DUS2: variants seen among roughly 807,000 people sequenced by gnomAD.
DUS2 encodes the protein tRNA-dihydrouridine(20) synthase [NAD(P)+]-like.
DUS2 carries 52 observed loss-of-function variants against 71.3 expected under a neutral mutation model. The observed-to-expected ratio is 0.73, with a 90% CI of 0.58 to 0.92. DUS2 has a LOEUF of 0.92. Ranked by LOEUF, DUS2 falls within the 40% of genes least tolerant of loss-of-function variation. The probability of loss-of-function intolerance (pLI) is 0.00; values close to 1 mark genes in which losing one functional copy is unlikely to be tolerated. For synonymous variants in DUS2, 204 were observed against 227.8 expected, an observed-to-expected ratio of 0.90 and a Z score of 0.94; for missense variants, 558 against 622.6, an observed-to-expected ratio of 0.90 and a Z score of 1.10.
chr16:68,038,158 C>T lies in DUS2; in HGVS notation c.126+9C>T, dbSNP rs753060459. 5.6e-6 allele frequency: 9 copies of T among 1,612,736 alleles called. No homozygotes were observed. The highest frequency in any genetic ancestry group is 7.6e-6 in the Non-Finnish European group (9 of 1,179,440). ...ACATTGTTTACTGTGAGGTAAGGGG[C>T]TCTGATTTTCTGGGTGGGCTTCTCC... On this transcript the variant is annotated intron_variant, in intron 3 of 16. Transcript: ENST00000565263.
At chr16:68,035,898 A>G (rs1385579637) in intron 2 of DUS2, among the ~76,000 whole-genome samples, 13 of 41,502 alleles carry the variant, frequency 3.1e-4, no homozygotes, top group Admixed American at 1.0e-3. Context: ...ATATATATAT[A>G]TATATATATA....
chr16:68,036,819 A>G (rs1055989284), intron 2 of DUS2, among the ~76,000 whole-genome samples: 3 of 151,740 alleles, frequency 2.0e-5, no homozygotes, highest in Admixed American at 6.6e-5. Flanking sequence ...GGACCTTTGC[A>G]TTGGTTATTT....
intron 2 of DUS2, among the ~76,000 whole-genome samples, chr16:68,027,388 G>A (rs139622128): frequency 0.025 from 3,838 of 152,126 alleles, 158 homozygotes; most frequent in African/African-American, 0.086. Context: ...ACAGGCATGC[G>A]CCACCACACC....
rs2033558572 is a variant in DUS2, at chr16:68,038,019, A to T, written c.-5A>T. On this transcript the variant is annotated 5_prime_UTR_variant, in exon 3 of 17. Coordinates refer to ENST00000565263, the MANE Select transcript of DUS2 (RefSeq NM_017803.5). ...TTTTTTTTTCAGGCTGTAACAGAGGAGGAAATGATTTTGAATAGCCTCTCT... is the reference window on the plus strand; with the variant it reads ...TTTTTTTTTCAGGCTGTAACAGAGGTGGAAATGATTTTGAATAGCCTCTCT... The T allele has an allele frequency of 6.2e-7, 1 of 1,612,494 alleles. No individual in the cohort carries two copies. The highest frequency in any genetic ancestry group is 1.3e-5 in the African/African-American group (1 of 74,742).
intron 3 of DUS2, among the ~76,000 whole-genome samples, chr16:68,039,320 G>T (rs1238095249): frequency 1.3e-5 from 2 of 152,024 alleles, no homozygotes; most frequent in Non-Finnish European, 2.9e-5. Context: ...TGAAAATTAG[G>T]CTGGGCAGAG....
rs1206279256 is a variant in DUS2, at chr16:68,078,418, A to C, written c.1171-27A>C. 2.5e-6 allele frequency: 4 copies of C among 1,609,430 alleles called. No individual in the cohort carries two copies. The Admixed American group carries it at 5.0e-5, about 20-fold the overall frequency. ...GCCTACAGGGCTCATTTCTCTGGCC[A>C]TGTGATTCCTTTTCTCTTTGTATCA... On this transcript the variant is annotated intron_variant, in intron 15 of 16. Coordinates refer to ENST00000565263, the MANE Select transcript of DUS2 (RefSeq NM_017803.5).
At chr16:68,054,805 G>T (rs1217852173) in intron 6 of DUS2, among the ~76,000 whole-genome samples, 188 bp downstream of exon 6, 1 of 152,142 alleles carries the variant, frequency 6.6e-6, no homozygotes, top group Non-Finnish European at 1.5e-5. Context: ...AGCATTTTGG[G>T]AGGCTGAGGC....
At position 68,028,450 on chromosome 16, in the gene DUS2, A is replaced by C. The variant is rs542288427; in HGVS notation, c.-19+2956A>C. Among the ~76,000 whole-genome samples, 206 of 152,080 alleles carry C rather than the reference A, an allele frequency of 1.4e-3. 1 individual carries two copies. Among genetic ancestry groups the C allele is most frequent in the Non-Finnish European group, 1.7e-3 (116 of 68,012 alleles). ...GGAGTTTGAGACCAGTCTGGCCAAC[A>C]TGGTGAAACCCCATCCCTACTAAAA... On this transcript the variant is annotated intron_variant, in intron 2 of 16. Transcript: ENST00000565263.
At chr16:68,037,957 G>A in intron 2 of DUS2, 49 bp from the exon 3 acceptor site, 8 of 1,582,590 alleles carry the variant, frequency 5.1e-6, no homozygotes, top group Non-Finnish European at 6.9e-6. Context: ...TAACAGGAGA[G>A]ATTTTCTTCA....
chr16:68,030,920 T>A (rs1200949158), intron 2 of DUS2, among the ~76,000 whole-genome samples: 2 of 151,952 alleles, frequency 1.3e-5, no homozygotes, highest in Non-Finnish European at 2.9e-5. Context: ...ATATATATAT[T>A]TTTGGTAGAG....
At chr16:68,068,752 CTTTTTTT>C (rs1160464857) in intron 10 of DUS2, among the ~76,000 whole-genome samples, 1 of 112,166 alleles carries the variant, frequency 8.9e-6, no homozygotes, top group African/African-American at 3.4e-5. Context: ...CCATGCCTGG[CTTTTTTT>C]TTTTTTTTTT....
At chr16:68,057,880 C>CAA (rs5817628) in intron 7 of DUS2, among the ~76,000 whole-genome samples, 3 of 92,110 alleles carry the variant, frequency 3.3e-5, no homozygotes, top group Admixed American at 1.1e-4. Context: ...AAATCTGTCT[C>CAA]AAAAAAAAAA....
At chr16:68,029,303 TG>T (rs1249845124) in intron 2 of DUS2, among the ~76,000 whole-genome samples, 4 of 152,190 alleles carry the variant, frequency 2.6e-5, no homozygotes, top group African/African-American at 9.6e-5. Context: ...TTTTAATTTT[TG>T]TTTTTAATTT....
chr16:68,033,154 A>G (rs2033465686), intron 2 of DUS2, among the ~76,000 whole-genome samples: 1 of 152,130 alleles, frequency 6.6e-6, no homozygotes, highest in Non-Finnish European at 1.5e-5. Flanking sequence ...AATGGATAGG[A>G]AGGGGCAAGT....
At chr16:68,054,683 CT>C in intron 6 of DUS2, 66 bp downstream of exon 6, 2 of 1,583,938 alleles carry the variant, frequency 1.3e-6, no homozygotes, top group African/African-American at 2.7e-5. Context: ...GTTTAATGTC[CT>C]GGTGACTTTG....
chr16:68,051,033 C>T (rs1298500359), intron 4 of DUS2, among the ~76,000 whole-genome samples: 1 of 152,164 alleles, frequency 6.6e-6, no homozygotes, highest in African/African-American at 2.4e-5. Flanking sequence ...ATAATAAAAC[C>T]ATCCATGTAT....
chr16:68,075,741 C>T (rs997731258), intron 14 of DUS2, among the ~76,000 whole-genome samples: 8 of 152,044 alleles, frequency 5.3e-5, no homozygotes, highest in Admixed American at 3.3e-4. Context: ...TTTACCGCCT[C>T]CCACAACTCA....
At chr16:68,026,902 G>A (rs1164814209) in intron 2 of DUS2, 4 of 137,820 alleles carry the variant, frequency 2.9e-5, no homozygotes, top group African/African-American at 8.5e-5. Flanking sequence ...AAAAAGCACA[G>A]CTATGGCCAT....
At chr16:68,056,236 G>A in intron 6 of DUS2, 128 bp from the exon 7 acceptor site, 1 of 689,434 alleles carries the variant, frequency 1.5e-6, no homozygotes, top group South Asian at 2.0e-5. Context: ...GTCATTGGGG[G>A]TTGGTGTGTT....
Sources: gnomAD v4.1 joint callset for allele counts (sites outside exome capture counted in the v4.1 genomes callset) on GRCh38, gnomAD v4.1.1 for gene constraint, MANE v1.5 for transcripts, NCBI Gene and HGNC (gene_info 2026-07-23, HGNC 2026-07-21) for gene names.